The following SLC9A7 variants were observed in gnomAD, a reference collection of about 807,000 sequenced individuals.
SLC9A7 encodes the protein sodium/hydrogen exchanger 7.
In SLC9A7, 19 loss-of-function variants were observed where a neutral mutation model predicts 52.6. That is an observed-to-expected ratio of 0.36 (90% CI 0.25 to 0.53). The LOEUF (loss-of-function observed/expected upper bound fraction) is 0.53. Ranked by LOEUF, SLC9A7 falls within the 20% of genes least tolerant of loss-of-function variation. SLC9A7 has a pLI of 0.91. For missense variants in SLC9A7, 455 were observed against 597.9 expected (o/e 0.76, Z 2.49); for synonymous variants, 226 against 252.1 (o/e 0.90, Z 0.98).
rs1315035544 is a variant in SLC9A7 at position 46,651,197 on chromosome X, T to C, written c.1263A>G (p.Ala421=). The C allele has an allele frequency of 8.3e-7, 1 of 1,206,781 alleles. No homozygotes were observed. The highest frequency in any genetic ancestry group is 3.0e-5 in the East Asian group (1 of 33,748). Residue 421 remains alanine, a synonymous_variant, in exon 10 of 17, where the codon GCA becomes GCG. Transcript: ENST00000616978. ...KQLFEVLHFL[A]ENFIFSYMGL... The stretch of plus-strand genomic sequence containing the variant: ...CCATGTAGGAGAAGATGAAGTTCTC[T>C]GCCAGGAAATGTAACACCTCAAAGA...
At chrX:46,670,286 T>C (rs1414262996) in intron 4 of SLC9A7, among the ~76,000 whole-genome samples, 1 of 112,024 alleles carries the variant, frequency 8.9e-6, no homozygotes, top group African/African-American at 3.2e-5. Context: ...CATCAAGATA[T>C]CTGGGCTTTC....
intron 1 of SLC9A7, chrX:46,725,167 T>G (rs56171136): frequency 1.3e-6 from 1 of 767,517 alleles, no homozygotes; most frequent in Non-Finnish European, 2.0e-6. Context: ...ATCTATGAAG[T>G]AGGGATCTGT....
intron 1 of SLC9A7, among the ~76,000 whole-genome samples, chrX:46,755,338 T>A (rs983419765): frequency 2.9e-5 from 3 of 104,385 alleles, no homozygotes; most frequent in South Asian, 4.3e-4. Flanking sequence ...AAAGAGAGGG[T>A]GAGAGAGGGA....
chrX:46,662,705 C>T, intron 5 of SLC9A7, 62 bp from the exon 6 acceptor site: 1 of 876,436 alleles, frequency 1.1e-6, no homozygotes, highest in Non-Finnish European at 1.7e-6. Flanking sequence ...TCACTGATTA[C>T]AGATTTATAG....
chrX:46,716,043 T>C (rs1944763380), intron 1 of SLC9A7, among the ~76,000 whole-genome samples: 1 of 111,815 alleles, frequency 8.9e-6, no homozygotes, highest in Non-Finnish European at 1.9e-5. Flanking sequence ...AGTGCACATA[T>C]AGACAGCCCC....
At chrX:46,643,879 T>G (rs1291298171) in intron 11 of SLC9A7, among the ~76,000 whole-genome samples, 1 of 111,942 alleles carries the variant, frequency 8.9e-6, no homozygotes, top group Non-Finnish European at 1.9e-5. Flanking sequence ...GGTGGTCAAC[T>G]CTTTCTGTAA....
rs142683765 is a variant in SLC9A7, at chrX:46,725,951, C to T, written c.325+32754G>A. 270 of 315,463 alleles carry T rather than the reference C, an allele frequency of 8.6e-4. 1 individual carries two copies. The highest frequency in any genetic ancestry group is 6.1e-3 in the African/African-American group (227 of 37,378). 26.0% of individuals were successfully genotyped at this position (315,463 alleles called of 1,213,427 possible). On this transcript the variant is annotated intron_variant, in intron 1 of 16. Transcript: ENST00000616978. Reference sequence around the variant, plus strand: ...GCAGGGAGTCTAGAGGCAGACTGCCCGGATTCAAAGCTCAGCTTCATCATT... The same window carrying T: ...GCAGGGAGTCTAGAGGCAGACTGCCTGGATTCAAAGCTCAGCTTCATCATT...
intron 1 of SLC9A7, among the ~76,000 whole-genome samples, chrX:46,721,301 T>C (rs866759163): frequency 3.8e-4 from 42 of 111,898 alleles, no homozygotes; most frequent in African/African-American, 1.3e-3. Context: ...TTAGTAATTA[T>C]CCATAATGGT....
At chrX:46,738,094 AGAAAGAAAGAAAG>A (rs1921001151) in intron 1 of SLC9A7, among the ~76,000 whole-genome samples, 3 of 63,246 alleles carry the variant, frequency 4.7e-5, no homozygotes, top group African/African-American at 1.2e-4. Flanking sequence ...AAAGAAAGAA[AGAAAGAAAGAAAG>A]AGAAAAGAAA....
Position 46,604,660 on chromosome X carries a change from G to A in SLC9A7, c.*2292C>T, listed in dbSNP as rs1377204302. ...TTGCCCAGTCTGGTCTTGAACTCCT[G>A]AGCTCAAGTGATCCTCCTGCCTCAG... On this transcript the variant is annotated 3_prime_UTR_variant, in exon 17 of 17. Transcript: ENST00000616978. 9.0e-6 allele frequency: 1 copy of A among 111,526 alleles called. No homozygotes were observed. The highest frequency in any genetic ancestry group is 1.9e-5 in the Non-Finnish European group (1 of 53,133). 9.2% of individuals were successfully genotyped at this position (111,526 alleles called of 1,213,427 possible).
chrX:46,758,996 C>T lies in SLC9A7; in HGVS notation c.34G>A (p.Gly12Ser). 1 of 998,101 alleles carries T rather than the reference C, an allele frequency of 1.0e-6. No homozygotes were observed. The highest frequency in any genetic ancestry group is 3.5e-5 in the South Asian group (1 of 28,412). The allele number at this position is 998,101 out of a possible 1,213,427, so 82.3% of individuals were successfully genotyped here. ...GGCGGCGGCGCCCCGGTAGCCCGAC[C>T]CGAGCCAGGGCGCGCCGCGTCACCA... ...EPGDAARPGS[G>S]RATGAPPPRL... Residue 12 changes from glycine to serine, a missense_variant, in exon 1 of 17, where the codon GGT (glycine) becomes AGT (serine). Transcript: ENST00000616978.
chrX:46,628,864 C>T (rs1943178375), intron 14 of SLC9A7, among the ~76,000 whole-genome samples: 1 of 112,256 alleles, frequency 8.9e-6, no homozygotes, highest in Admixed American at 9.4e-5. Flanking sequence ...TTCTGTTTTC[C>T]TGTTTCTCAT....
rs186713410 is a variant in SLC9A7, at chrX:46,695,209, A to G, written c.326-12674T>C. 3.1e-3 allele frequency among the ~76,000 whole-genome samples: 349 copies of G among 112,343 alleles called. 3 individuals carry two copies. The highest frequency in any genetic ancestry group is 0.014 in the Middle Eastern group (3 of 219). ...TATGATATGTAAATTATATGTCAAT[A>G]AAGTTTTTTTTTAAAAAAAGAGCAA... On this transcript the variant is annotated intron_variant, in intron 1 of 16. Transcript: ENST00000616978.
intron 1 of SLC9A7, among the ~76,000 whole-genome samples, chrX:46,758,217 C>T (rs1165150477): frequency 1.8e-5 from 2 of 111,163 alleles, no homozygotes; most frequent in African/African-American, 6.5e-5. Context: ...TGGGTACCCA[C>T]CCAGGCTGAC....
rs1168792599 is a variant in SLC9A7, at chrX:46,633,713, C to T, written c.1676+1876G>A. On this transcript the variant is annotated intron_variant, in intron 13 of 16. Coordinates refer to ENST00000616978, the MANE Select transcript of SLC9A7 (RefSeq NM_001257291.2). ...TTGAGACGGAGTCTCACTCTGTCAC[C>T]CAGGATGGAGTGCACTGGTGTGATC... Among the ~76,000 whole-genome samples the T allele has an allele frequency of 5.6e-5, 6 of 107,395 alleles. No homozygotes were observed. In the Admixed American group the frequency reaches 5.9e-4, roughly 11 times the overall value. 93.3% of individuals were successfully genotyped at this position (107,395 alleles called of 115,157 possible).
chrX:46,678,011 C>T (rs745457150), intron 3 of SLC9A7, among the ~76,000 whole-genome samples: 1 of 112,037 alleles, frequency 8.9e-6, no homozygotes, highest in Non-Finnish European at 1.9e-5. Flanking sequence ...GGCAAGATCT[C>T]ATCATGATGT....
intron 1 of SLC9A7, among the ~76,000 whole-genome samples, chrX:46,743,412 A>G (rs762399061): frequency 4.4e-5 from 5 of 112,438 alleles, no homozygotes; most frequent in Admixed American, 9.4e-5. Flanking sequence ...AGAAATTTCA[A>G]TAAGAACGCC....
chrX:46,637,583 C>G lies in SLC9A7; in HGVS notation c.1617-1935G>C, dbSNP rs751291026. Among the ~76,000 whole-genome samples the G allele has an allele frequency of 7.2e-5, 8 of 111,593 alleles. No individual in the cohort carries two copies. The Admixed American group carries it at 7.6e-4, about 11-fold the overall frequency. On this transcript the variant is annotated intron_variant, in intron 12 of 16. Coordinates refer to ENST00000616978, the MANE Select transcript of SLC9A7 (RefSeq NM_001257291.2). ...GGGTGTATGTCGTTCCACCGCCCCC[C>G]CAACCCACTATCTCCACCATTTCGT...
At chrX:46,719,262 G>A (rs1169021643) in intron 1 of SLC9A7, among the ~76,000 whole-genome samples, 3 of 98,452 alleles carry the variant, frequency 3.0e-5, no homozygotes, top group African/African-American at 1.1e-4. Flanking sequence ...CTTGGACACA[G>A]GGTGGGGAAC....
Sources: allele counts gnomAD v4.1 joint callset (sites outside exome capture counted in the v4.1 genomes callset), GRCh38; gene constraint gnomAD v4.1.1; transcripts MANE v1.5; gene names NCBI Gene and HGNC (gene_info 2026-07-23, HGNC 2026-07-21).